Variants in AGAP1 observed in about 807,000 individuals in gnomAD.
AGAP1 encodes arf-GAP with GTPase, ANK repeat and PH domain-containing protein 1.
In AGAP1, 29 loss-of-function variants were observed where a neutral mutation model predicts 105.3. That is an observed-to-expected ratio of 0.28 (90% CI 0.21 to 0.38). The LOEUF (loss-of-function observed/expected upper bound fraction) is 0.38. AGAP1 is among the 10% of genes least tolerant of loss of function. The pLI, the probability that AGAP1 is intolerant of heterozygous loss-of-function variation, is 1.00. For missense variants in AGAP1, 998 were observed against 1,165.1 expected, an observed-to-expected ratio of 0.86 and a Z score of 2.09; for synonymous variants, 509 against 485.9, an observed-to-expected ratio of 1.05 and a Z score of -0.63.
rs1188479149 is a variant in AGAP1 at position 235,719,238 on chromosome 2, G to A, written c.310+1594G>A. On this transcript the variant is annotated intron_variant, in intron 3 of 17. Transcript: ENST00000304032. This position sits in a 1 kb window ranked among gnomAD's most constrained non-coding sequence, Gnocchi z 4.9. ...CCCTGGGGTTCAGGTGTCTGGTGGG[G>A]CAGCGCTGGAGGCCCTGGGTTTCTG... Among the ~76,000 whole-genome samples, 11 of 152,220 alleles carry A rather than the reference G, an allele frequency of 7.2e-5. No homozygotes were observed. The highest frequency in any genetic ancestry group is 2.9e-5 in the Non-Finnish European group (2 of 68,036).
intron 1 of AGAP1, among the ~76,000 whole-genome samples, chr2:235,658,936 G>C (rs965995925): frequency 1.3e-5 from 2 of 152,142 alleles, no homozygotes; most frequent in African/African-American, 4.8e-5. Flanking sequence ...CTTTTAGCAC[G>C]TTGCTTTTCT....
intron 13 of AGAP1, among the ~76,000 whole-genome samples, chr2:236,019,670 T>C (rs2056826465): frequency 6.6e-6 from 1 of 152,208 alleles, no homozygotes; most frequent in African/African-American, 2.4e-5. Context: ...TGCAGCGCCC[T>C]TAGGCTTGAG....
At chr2:235,667,580 C>T (rs536642440) in intron 1 of AGAP1, among the ~76,000 whole-genome samples, 33 of 152,206 alleles carry the variant, frequency 2.2e-4, no homozygotes, top group African/African-American at 4.8e-4. Context: ...ACCAGATGGG[C>T]GCTAGGCTGT....
intron 13 of AGAP1, among the ~76,000 whole-genome samples, chr2:235,997,144 C>G (rs2055851895): frequency 6.6e-6 from 1 of 152,176 alleles, no homozygotes; most frequent in Admixed American, 6.5e-5. Context: ...GACTGTAGTG[C>G]CACGGCGCAA....
In AGAP1 at chr2:235,724,036, C is replaced by A. The variant is rs767846440; in HGVS notation, c.310+6392C>A. The stretch of plus-strand genomic sequence containing the variant: ...TGCTGCCGCCACACAGAGGGATTTG[C>A]AGGGAAGGGCCTTAGCCAGGCATGA... On this transcript the variant is annotated intron_variant, in intron 3 of 17. Transcript: ENST00000304032. The surrounding 1 kb of genome is among the most constrained non-coding windows in gnomAD (Gnocchi z 4.9). Among the ~76,000 whole-genome samples, 7 of 152,320 alleles carry A rather than the reference C, an allele frequency of 4.6e-5. No individual in the cohort carries two copies. Among genetic ancestry groups the A allele is most frequent in the Non-Finnish European group, 1.0e-4 (7 of 68,024 alleles).
At chr2:235,560,879 G>A (rs927506653) in intron 1 of AGAP1, among the ~76,000 whole-genome samples, 2 of 152,188 alleles carry the variant, frequency 1.3e-5, no homozygotes, top group Non-Finnish European at 1.5e-5. Flanking sequence ...CTCAGGTGTT[G>A]CCTTCTCCAC....
In AGAP1 at chr2:236,082,549, AGTGGT is replaced by A. The variant is rs2058814349; in HGVS notation, c.2114+33270_2114+33274del. 6.6e-6 allele frequency among the ~76,000 whole-genome samples: 1 copy of A among 152,224 alleles called. No homozygotes were observed. Among genetic ancestry groups the A allele is most frequent in the South Asian group, 2.1e-4 (1 of 4,832 alleles). ...TATCAGGGGCAAACAGCTCACCTGC[AGTGGT>A]GATTGGTTTACAAAATTCACCTAGT... On this transcript the variant is annotated intron_variant, in intron 16 of 17. Coordinates refer to ENST00000304032, the MANE Select transcript of AGAP1 (RefSeq NM_001037131.3). This position sits in a 1 kb window ranked among gnomAD's most constrained non-coding sequence, Gnocchi z 4.2.
intron 1 of AGAP1, among the ~76,000 whole-genome samples, chr2:235,506,177 C>T (rs1179130002): frequency 5.9e-5 from 9 of 152,118 alleles, no homozygotes; most frequent in African/African-American, 1.9e-4. Context: ...GTGATCTACC[C>T]GCCTTGGCCT....
At position 236,010,418 on chromosome 2, in the gene AGAP1, C is replaced by T. The variant is rs190230487; in HGVS notation, c.1646-26143C>T. On this transcript the variant is annotated intron_variant, in intron 13 of 17. Transcript: ENST00000304032. ...CAGGCCTCGTTTGGTCATCCAGACA[C>T]AAGATTTGCTGTTTATAACGATCAG... 2.4e-3 allele frequency among the ~76,000 whole-genome samples: 363 copies of T among 152,294 alleles called. 2 individuals carry two copies. Among genetic ancestry groups the T allele is most frequent in the African/African-American group, 8.0e-3 (334 of 41,566 alleles).
At position 235,631,922 on chromosome 2, in the gene AGAP1, C is replaced by T. The variant is rs148078141; in HGVS notation, c.164-77257C>T. Among the ~76,000 whole-genome samples the T allele has an allele frequency of 2.2e-3, 339 of 152,298 alleles. 3 individuals are homozygous for T. The highest frequency in any genetic ancestry group is 7.9e-3 in the African/African-American group (327 of 41,566). On this transcript the variant is annotated intron_variant, in intron 1 of 17. Transcript: ENST00000304032. The surrounding 1 kb of genome is among the most constrained non-coding windows in gnomAD (Gnocchi z 5.4). Reference sequence around the variant, plus strand: ...GACCCTTCCTTTCTGCTTTTTCCATCTGTTACCTGCATGCATATATGATGG... The same window carrying T: ...GACCCTTCCTTTCTGCTTTTTCCATTTGTTACCTGCATGCATATATGATGG...
rs1489975603 is a variant in AGAP1 at position 236,062,740 on chromosome 2, CA to C, written c.2114+13461del. ...GCAGTGGAGCAATCTTGGCTCACTGCAACCTCCACCTCCTGGGTTCAAGCAA... is the reference window on the plus strand; with the variant it reads ...GCAGTGGAGCAATCTTGGCTCACTGCACCTCCACCTCCTGGGTTCAAGCAA... On this transcript the variant is annotated intron_variant, in intron 16 of 17. Coordinates refer to ENST00000304032, the MANE Select transcript of AGAP1 (RefSeq NM_001037131.3). The surrounding 1 kb of genome is among the most constrained non-coding windows in gnomAD (Gnocchi z 4.2). Among the ~76,000 whole-genome samples the C allele has an allele frequency of 6.6e-6, 1 of 152,196 alleles. No homozygotes were observed. Among genetic ancestry groups the C allele is most frequent in the Non-Finnish European group, 1.5e-5 (1 of 68,032 alleles).
intron 13 of AGAP1, among the ~76,000 whole-genome samples, chr2:236,029,533 G>A (rs1050570617): frequency 6.6e-6 from 1 of 151,492 alleles, no homozygotes; most frequent in Non-Finnish European, 1.5e-5. Flanking sequence ...TGATCCACCT[G>A]CCTCGGCCTC....
At chr2:235,581,595 C>T (rs1208261195) in intron 1 of AGAP1, among the ~76,000 whole-genome samples, 1 of 151,872 alleles carries the variant, frequency 6.6e-6, no homozygotes, top group Non-Finnish European at 1.5e-5. Flanking sequence ...TGCCTGAACT[C>T]AGGAGTTCAA....
At chr2:235,500,694 A>G (rs1941525768) in intron 1 of AGAP1, among the ~76,000 whole-genome samples, 1 of 152,168 alleles carries the variant, frequency 6.6e-6, no homozygotes, top group African/African-American at 2.4e-5. Context: ...GCTGGTGTTC[A>G]TGTGATCTTC....
rs944877259 is a variant in AGAP1 at position 235,774,001 on chromosome 2, A to C, written c.673+23513A>C. On this transcript the variant is annotated intron_variant, in intron 6 of 17. Transcript: ENST00000304032. ...TCCCCCTCTAAGATTTTTAACAAAA[A>C]TAAAACAGGACCAAGAGATAGCAAT... 6.4e-6 allele frequency: 3 copies of C among 470,162 alleles called. No homozygotes were observed. The Admixed American group carries it at 7.1e-5, about 11-fold the overall frequency. 29.1% of individuals were successfully genotyped at this position (470,162 alleles called of 1,614,324 possible). A position where few individuals can be genotyped will look rare whatever the true frequency, so the allele number is the denominator to read the frequency against.
At position 235,824,396 on chromosome 2, in the gene AGAP1, A is replaced by C. The variant is rs1044142213; in HGVS notation, c.1050+17065A>C. ...TGCAAATTGGTAACTGGTAGCTACC[A>C]GTGTAATTAAATATTTCAGAGCACT... On this transcript the variant is annotated intron_variant, in intron 9 of 17. Coordinates refer to ENST00000304032, the MANE Select transcript of AGAP1 (RefSeq NM_001037131.3). The surrounding 1 kb of genome is among the most constrained non-coding windows in gnomAD (Gnocchi z 5.2). Among the ~76,000 whole-genome samples, 1 of 152,234 alleles carries C rather than the reference A, an allele frequency of 6.6e-6. No homozygotes were observed. The highest frequency in any genetic ancestry group is 6.5e-5 in the Admixed American group (1 of 15,286).
chr2:235,589,186 ATTGTTTTGTTTTTTTTTTTTTTTT>A (rs1254226105), intron 1 of AGAP1, among the ~76,000 whole-genome samples: 4 of 35,086 alleles, frequency 1.1e-4, no homozygotes, highest in Non-Finnish European at 2.4e-4. Flanking sequence ...TTAATAGCTT[ATTGTTTTGTTTTTTTTTTTTTTTT>A]TTTTTTTTTT....
chr2:235,637,268 A>C (rs993673945), intron 1 of AGAP1, among the ~76,000 whole-genome samples: 9 of 151,900 alleles, frequency 5.9e-5, no homozygotes, highest in African/African-American at 1.9e-4. Context: ...TAGGACCTCA[A>C]AATGTGACTT....
At chr2:235,916,036 C>G (rs1384853912) in intron 11 of AGAP1, among the ~76,000 whole-genome samples, 1 of 152,072 alleles carries the variant, frequency 6.6e-6, no homozygotes, top group African/African-American at 2.4e-5. Context: ...AATTCTGAAC[C>G]TAGAAGCCTA....
Sources: allele counts gnomAD v4.1 joint callset (sites outside exome capture counted in the v4.1 genomes callset), GRCh38; gene constraint gnomAD v4.1.1; non-coding constraint Gnocchi (gnomAD v3.1); transcripts MANE v1.5; gene names NCBI Gene and HGNC (gene_info 2026-07-23, HGNC 2026-07-21).